Variants in SLC4A4 observed in about 807,000 individuals in gnomAD.
SLC4A4 encodes the protein electrogenic sodium bicarbonate cotransporter 1.
Under a neutral mutation model 111.5 loss-of-function variants are expected in SLC4A4, and 27 were observed. The ratio of observed to expected loss-of-function variants is 0.24; its 90% CI spans 0.18 to 0.33. SLC4A4 has a LOEUF of 0.33. SLC4A4 is among the 10% of genes least tolerant of loss of function. SLC4A4 has a pLI of 1.00. For synonymous variants in SLC4A4, 443 were observed against 463.4 expected (o/e 0.96, Z 0.57); for missense variants, 909 against 1,315.5 (o/e 0.69, Z 4.78).
chr4:71,386,951 C>G (rs1718794172), intron 6 of SLC4A4, among the ~76,000 whole-genome samples: 2 of 152,180 alleles, frequency 1.3e-5, no homozygotes, highest in Non-Finnish European at 2.9e-5. Flanking sequence ...ATTCAGAAGA[C>G]TTTGCTGTGA....
chr4:71,367,518 C>G (rs1175235806), intron 6 of SLC4A4, among the ~76,000 whole-genome samples: 1 of 152,104 alleles, frequency 6.6e-6, no homozygotes, highest in Non-Finnish European at 1.5e-5. Context: ...TTAAGCAGAT[C>G]ACTTAGTTGT....
intron 3 of SLC4A4, among the ~76,000 whole-genome samples, chr4:71,297,794 A>T (rs1430253400): frequency 6.6e-6 from 1 of 151,750 alleles, no homozygotes; most frequent in Non-Finnish European, 1.5e-5. Context: ...CACCATGTTG[A>T]TTGGGCTGAT....
rs571864589 is a variant in SLC4A4, at chr4:71,236,085, C to T, written c.-1-491C>T. ...ACTGTGCACTAGCCTACCTCCCTGT[C>T]GCTCTCTGCGTGTGGGTGGGTGTGC... On this transcript the variant is annotated intron_variant, in intron 1 of 25. Coordinates refer to ENST00000264485, the MANE Select transcript of SLC4A4 (RefSeq NM_001098484.3). 8.6e-4 allele frequency: 865 copies of T among 1,000,954 alleles called. 1 individual carries two copies. Among genetic ancestry groups the T allele is most frequent in the Middle Eastern group, 1.0e-3 (2 of 1,948 alleles). The allele number at this position is 1,000,954 out of a possible 1,614,324, so 62.0% of individuals were successfully genotyped here.
intron 7 of SLC4A4, among the ~76,000 whole-genome samples, chr4:71,439,678 T>TA (rs1724535957): frequency 2.0e-5 from 3 of 151,646 alleles, no homozygotes; most frequent in Non-Finnish European, 4.4e-5. Flanking sequence ...CTATACAAAT[T>TA]AGGGTGACCC....
intron 3 of SLC4A4, among the ~76,000 whole-genome samples, chr4:71,326,522 C>T (rs1291974070): frequency 2.0e-5 from 3 of 151,928 alleles, no homozygotes; most frequent in Non-Finnish European, 4.4e-5. Flanking sequence ...ATCTCCAAGC[C>T]TCAGTTTTCT....
chr4:71,142,674 T>C (rs1744034188), intron 2 of SLC4A4, among the ~76,000 whole-genome samples: 1 of 152,116 alleles, frequency 6.6e-6, no homozygotes, highest in Non-Finnish European at 1.5e-5. Flanking sequence ...TTTCTGTTGT[T>C]CTTGGAGATG....
At chr4:71,086,078 C>A (rs1041678313) in intron 1 of SLC4A4, among the ~76,000 whole-genome samples, 345 of 151,644 alleles carry the variant, frequency 2.3e-3, no homozygotes, top group Non-Finnish European at 2.9e-3. Flanking sequence ...CTTTTATTTC[C>A]TTGAGCAGTG....
At chr4:71,464,160 A>G (rs1727103983) in intron 12 of SLC4A4, among the ~76,000 whole-genome samples, 1 of 152,192 alleles carries the variant, frequency 6.6e-6, no homozygotes, top group Non-Finnish European at 1.5e-5. Flanking sequence ...CCCACTGTCT[A>G]TGCACAAGGG....
intron 1 of SLC4A4, among the ~76,000 whole-genome samples, chr4:71,084,921 G>C (rs1039816922): frequency 6.6e-6 from 1 of 152,044 alleles, no homozygotes; most frequent in African/African-American, 2.4e-5. Context: ...TATATACCCA[G>C]TAATGGGATT....
chr4:71,542,565 A>G (rs1249588478), intron 18 of SLC4A4, among the ~76,000 whole-genome samples: 1 of 151,930 alleles, frequency 6.6e-6, no homozygotes, highest in Admixed American at 6.6e-5. Context: ...AATCTATTTC[A>G]TTTTCTCAGA....
At position 71,114,780 on chromosome 4, in the gene SLC4A4, A is replaced by C. The variant is rs867330456; in HGVS notation, c.-2+21988A>C. Among the ~76,000 whole-genome samples the C allele has an allele frequency of 2.0e-3, 245 of 120,508 alleles. 2 individuals carry two copies. Among genetic ancestry groups the C allele is most frequent in the Middle Eastern group, 0.013 (3 of 240 alleles). The allele number at this position is 120,508 out of a possible 152,430, so 79.1% of individuals were successfully genotyped here. A position where few individuals can be genotyped will look rare whatever the true frequency, so the allele number is the denominator to read the frequency against. ...AACCATTGTGGAAGTCAGTGTGGCG[A>C]TTCCTCAGGGATCTAGGACTAGAAA... On this transcript the variant is annotated intron_variant, in intron 2 of 26. Transcript: ENST00000649996.
At chr4:71,079,633 G>T (rs1741938126) in intron 1 of SLC4A4, among the ~76,000 whole-genome samples, 1 of 152,012 alleles carries the variant, frequency 6.6e-6, no homozygotes, top group South Asian at 2.1e-4. Flanking sequence ...AAAATTAGCT[G>T]GGCGTGGTGG....
intron 7 of SLC4A4, among the ~76,000 whole-genome samples, chr4:71,434,761 T>A (rs1289879991): frequency 6.6e-6 from 1 of 152,046 alleles, no homozygotes; most frequent in Non-Finnish European, 1.5e-5. Context: ...TCACAAGCAT[T>A]CCTATACACC....
chr4:71,256,343 A>G (rs772460187), intron 3 of SLC4A4, among the ~76,000 whole-genome samples: 2 of 152,314 alleles, frequency 1.3e-5, no homozygotes, highest in Admixed American at 1.3e-4. Context: ...TAGAATGAAC[A>G]GCTCAAGGGT....
chr4:71,347,327 A>T (rs768881158), intron 4 of SLC4A4, among the ~76,000 whole-genome samples: 1 of 152,174 alleles, frequency 6.6e-6, no homozygotes, highest in Non-Finnish European at 1.5e-5. Context: ...GTCTGAGCCT[A>T]TTCAGGCTGC....
At chr4:71,516,516 G>A (rs767803855) in intron 16 of SLC4A4, among the ~76,000 whole-genome samples, 11 of 152,146 alleles carry the variant, frequency 7.2e-5, no homozygotes, top group African/African-American at 1.4e-4. Context: ...AGGTCTTAGT[G>A]GGGTGTGAGT....
chr4:71,314,204 A>G (rs1043009457), intron 3 of SLC4A4, among the ~76,000 whole-genome samples: 1 of 152,230 alleles, frequency 6.6e-6, no homozygotes, highest in African/African-American at 2.4e-5. Flanking sequence ...AGAAATGCAA[A>G]TCAAAATCAC....
intron 6 of SLC4A4, among the ~76,000 whole-genome samples, chr4:71,366,927 CTTTCATGAGGGTAAGCTGCCAGA>C (rs1438393551): frequency 6.6e-6 from 1 of 152,342 alleles, no homozygotes; most frequent in Non-Finnish European, 1.5e-5. Flanking sequence ...CAAGTCTCAG[CTTTCATGAGGGTAAGCTGCCAGA>C]TGGCTCCAGT....
intron 6 of SLC4A4, among the ~76,000 whole-genome samples, chr4:71,378,995 C>G (rs73828117): frequency 6.6e-6 from 1 of 152,162 alleles, no homozygotes; most frequent in Non-Finnish European, 1.5e-5. Context: ...CTGATTTATT[C>G]CCACCCTTCC....
Sources: gnomAD v4.1 joint callset for allele counts (sites outside exome capture counted in the v4.1 genomes callset) on GRCh38, gnomAD v4.1.1 for gene constraint, MANE v1.5 for transcripts, NCBI Gene and HGNC (gene_info 2026-07-23, HGNC 2026-07-21) for gene names.